Variants in KCNS3 observed in about 807,000 individuals in gnomAD.
KCNS3 encodes the protein potassium voltage-gated channel modifier subfamily S member 3.
A neutral mutation model predicts 31.0 loss-of-function variants in KCNS3; 13 were observed. The ratio of observed to expected loss-of-function variants is 0.42; its 90% confidence interval spans 0.27 to 0.67. The LOEUF is 0.67. KCNS3 is among the 30% of genes least tolerant of loss of function. The pLI is 0.25. For synonymous variants in KCNS3, 238 were observed against 241.5 expected, an observed-to-expected ratio of 0.99 and a Z score of 0.13; for missense variants, 545 against 622.4, an observed-to-expected ratio of 0.88 and a Z score of 1.32.
At chr2:17,917,325 C>A (rs181252716) in intron 1 of KCNS3, among the ~76,000 whole-genome samples, 1 of 152,178 alleles carries the variant, frequency 6.6e-6, no homozygotes, top group African/African-American at 2.4e-5. Context: ...AAGTATATCT[C>A]GATGAATTAG....
At chr2:17,927,772 T>A (rs1361072353) in intron 2 of KCNS3, among the ~76,000 whole-genome samples, 1 of 152,192 alleles carries the variant, frequency 6.6e-6, no homozygotes, top group African/African-American at 2.4e-5. Context: ...GAGATTTGGG[T>A]GGAGATACAA....
Position 17,929,474 on chromosome 2 carries a change from G to A in KCNS3, c.-59-1476G>A, listed in dbSNP as rs112999169. Among the ~76,000 whole-genome samples, 53 of 152,272 alleles carry A rather than the reference G, an allele frequency of 3.5e-4. 2 individuals are homozygous for A. Among genetic ancestry groups the A allele is most frequent in the African/African-American group, 1.3e-3 (52 of 41,556 alleles). ...ACTCTGTCACGAGACAGTGCTTGGGGGATGATGCTAAGCCATTAGAAACCA... is the reference window on the plus strand; with the variant it reads ...ACTCTGTCACGAGACAGTGCTTGGGAGATGATGCTAAGCCATTAGAAACCA... On this transcript the variant is annotated intron_variant, in intron 2 of 2. Coordinates refer to ENST00000304101, the MANE Select transcript of KCNS3 (RefSeq NM_002252.5).
At position 17,931,048 on chromosome 2, in the gene KCNS3, G is replaced by A. The variant is rs1200217697; in HGVS notation, c.40G>A (p.Glu14Lys). ...GEFFHRPGQDEELVNLNVGGF... is the reference protein window; with the variant it reads ...GEFFHRPGQDKELVNLNVGGF... Reference sequence around the variant, plus strand: ...GTTTTTCCATCGCCCTGGACAAGACGAGGAACTTGTCAACCTGAATGTGGG... The same window carrying A: ...GTTTTTCCATCGCCCTGGACAAGACAAGGAACTTGTCAACCTGAATGTGGG... Residue 14 changes from glutamate to lysine, a missense_variant, in exon 3 of 3, where the codon GAG becomes AAG. Coordinates refer to ENST00000304101, the MANE Select transcript of KCNS3 (RefSeq NM_002252.5). The surrounding 1 kb of genome is among the most constrained non-coding windows in gnomAD (Gnocchi z 5.4). 13 of 1,613,912 alleles carry A rather than the reference G, an allele frequency of 8.1e-6. No homozygotes were observed. The highest frequency in any genetic ancestry group is 5.0e-5 in the Admixed American group (3 of 59,988).
chr2:17,906,117 A>T (rs1315154647), intron 1 of KCNS3, among the ~76,000 whole-genome samples: 1 of 152,112 alleles, frequency 6.6e-6, no homozygotes, highest in Non-Finnish European at 1.5e-5. Context: ...GTAGGCTATT[A>T]ATTATTGCCT....
At position 17,909,965 on chromosome 2, in the gene KCNS3, G is replaced by T. The variant is rs1175776299; in HGVS notation, c.-251-7715G>T. 2.0e-5 allele frequency among the ~76,000 whole-genome samples: 3 copies of T among 152,190 alleles called. No homozygotes were observed. The East Asian group carries it at 5.8e-4, about 29-fold the overall frequency. On this transcript the variant is annotated intron_variant, in intron 1 of 2. Transcript: ENST00000304101. ...ACATGATGTGATGCACATTTTAACA[G>T]GATCTCTAGCTAAAGGATTCTTAAT...
At chr2:17,898,948 C>CTGGG (rs1662096552) in intron 1 of KCNS3, among the ~76,000 whole-genome samples, 1 of 152,166 alleles carries the variant, frequency 6.6e-6, no homozygotes, top group Non-Finnish European at 1.5e-5. Context: ...TAACAATAGA[C>CTGGG]TGGGTGCGGT....
rs13414122 is a variant in KCNS3 at position 17,916,870 on chromosome 2, T to G, written c.-251-810T>G. ...CAGAATCAATATTTTCTTCTTCTTCTTTTTTTTCCCTCCCCCTTTTGGACC... is the reference window on the plus strand; with the variant it reads ...CAGAATCAATATTTTCTTCTTCTTCGTTTTTTTCCCTCCCCCTTTTGGACC... On this transcript the variant is annotated intron_variant, in intron 1 of 2. Coordinates refer to ENST00000304101, the MANE Select transcript of KCNS3 (RefSeq NM_002252.5). 1.8e-3 allele frequency among the ~76,000 whole-genome samples: 272 copies of G among 151,904 alleles called. 1 individual carries two copies. Among genetic ancestry groups the G allele is most frequent in the African/African-American group, 6.3e-3 (262 of 41,406 alleles).
chr2:17,912,342 G>A (rs927209699), intron 1 of KCNS3, among the ~76,000 whole-genome samples: 1 of 152,212 alleles, frequency 6.6e-6, no homozygotes, highest in Admixed American at 6.5e-5. Context: ...GCCTGTGTTA[G>A]TGCAGTTGTT....
intron 1 of KCNS3, among the ~76,000 whole-genome samples, chr2:17,888,655 A>ATATATATATATATATATATG (rs1661761900): frequency 1.5e-5 from 2 of 135,062 alleles, no homozygotes; most frequent in African/African-American, 5.3e-5. Flanking sequence ...ATATATATAT[A>ATATATATATATATATATATG]TATATATATA....
intron 2 of KCNS3, among the ~76,000 whole-genome samples, chr2:17,922,046 T>TATTTGATCTGTGTC (rs1271099678): frequency 1.3e-5 from 2 of 150,082 alleles, no homozygotes; most frequent in Non-Finnish European, 3.0e-5. Flanking sequence ...ATATGCCTCT[T>TATTTGATCTGTGTC]ATTTGATCTG....
chr2:17,885,834 G>A (rs1661642474), intron 1 of KCNS3, among the ~76,000 whole-genome samples: 1 of 152,154 alleles, frequency 6.6e-6, no homozygotes, highest in Non-Finnish European at 1.5e-5. Flanking sequence ...ACCCAGCCAA[G>A]TTAACACATA....
rs1485987385 is a variant in KCNS3, at chr2:17,931,473, G to T, written c.465G>T (p.Glu155Asp). The change falls in exon 3 of 3, where the codon GAG becomes GAT. Residue 155 changes from glutamate (E) to aspartate (D), a missense_variant. Physicochemically the swap from Glu to Asp is conservative, Grantham distance 45. Coordinates refer to ENST00000304101, the MANE Select transcript of KCNS3 (RefSeq NM_002252.5). This position sits in a 1 kb window ranked among gnomAD's most constrained non-coding sequence, Gnocchi z 5.4. The part of the protein sequence containing the change: ...SFEESSLFEK[E>D]LEKFDTLRFG... Reference sequence around the variant, plus strand: ...AAGAGTCGTCTCTGTTTGAGAAAGAGCTGGAGAAGTTTGACACACTGCGAT... The same window carrying T: ...AAGAGTCGTCTCTGTTTGAGAAAGATCTGGAGAAGTTTGACACACTGCGAT... 1 of 1,614,158 alleles carries T rather than the reference G, an allele frequency of 6.2e-7. No homozygotes were observed. The highest frequency in any genetic ancestry group is 8.5e-7 in the Non-Finnish European group (1 of 1,180,014).
rs114225775 is a variant in KCNS3 at position 17,882,938 on chromosome 2, G to A, written c.-252+4132G>A. On this transcript the variant is annotated intron_variant, in intron 1 of 2. Coordinates refer to ENST00000304101, the MANE Select transcript of KCNS3 (RefSeq NM_002252.5). ...GTAAACTCTTTAATAAGCTAAAATA[G>A]TTACTAGGCTAGGTTGTGGTATTTT... Among the ~76,000 whole-genome samples the A allele has an allele frequency of 6.9e-3, 1,044 of 152,130 alleles. 15 individuals carry two copies. The highest frequency in any genetic ancestry group is 0.023 in the African/African-American group (970 of 41,506).
intron 1 of KCNS3, among the ~76,000 whole-genome samples, chr2:17,910,465 T>C (rs56396821): frequency 6.6e-6 from 1 of 152,312 alleles, no homozygotes; most frequent in African/African-American, 2.4e-5. Flanking sequence ...ACTCTAACTC[T>C]TAGGTGAACA....
At chr2:17,915,143 A>G (rs1246206234) in intron 1 of KCNS3, among the ~76,000 whole-genome samples, 1 of 152,182 alleles carries the variant, frequency 6.6e-6, no homozygotes, top group Non-Finnish European at 1.5e-5. Flanking sequence ...GGAGGGAAGT[A>G]AAAGGATGAT....
chr2:17,907,724 AGTTTG>A (rs1662369895), intron 1 of KCNS3, among the ~76,000 whole-genome samples: 2 of 152,108 alleles, frequency 1.3e-5, no homozygotes, highest in Admixed American at 1.3e-4. Context: ...TAAGAAGCTT[AGTTTG>A]GCTGGATATG....
At chr2:17,909,823 A>G (rs575363378) in intron 1 of KCNS3, among the ~76,000 whole-genome samples, 19 of 152,328 alleles carry the variant, frequency 1.2e-4, no homozygotes, top group African/African-American at 4.6e-4. Context: ...GATGGGAATG[A>G]TAGAGGGTGA....
chr2:17,893,447 C>T (rs960738641), intron 1 of KCNS3, among the ~76,000 whole-genome samples: 1 of 152,212 alleles, frequency 6.6e-6, no homozygotes, highest in Admixed American at 6.5e-5. Flanking sequence ...GGGGGCTTCT[C>T]GCCCCGTTCA....
Position 17,932,382 on chromosome 2 carries a change from A to G in KCNS3, c.1374A>G (p.Val458=). The change falls in exon 3 of 3, where the codon GTA becomes GTG. Residue 458 remains valine, a synonymous_variant. Coordinates refer to ENST00000304101, the MANE Select transcript of KCNS3 (RefSeq NM_002252.5). Reference sequence around the variant, plus strand: ...CCTTCATTACCAGTCTCTCTTCTGTAGGCATTGTGGTGAGCGATCCTGACT... The same window carrying G: ...CCTTCATTACCAGTCTCTCTTCTGTGGGCATTGTGGTGAGCGATCCTGACT... ...MHTFITSLSS[V]GIVVSDPDST... 6.2e-7 allele frequency: 1 copy of G among 1,614,140 alleles called. No homozygotes were observed. Among genetic ancestry groups the G allele is most frequent in the Non-Finnish European group, 8.5e-7 (1 of 1,180,016 alleles).
Sources: allele counts gnomAD v4.1 joint callset (sites outside exome capture counted in the v4.1 genomes callset), GRCh38; gene constraint gnomAD v4.1.1; non-coding constraint Gnocchi (gnomAD v3.1); transcripts MANE v1.5; gene names NCBI Gene and HGNC (gene_info 2026-07-23, HGNC 2026-07-21).